FOXJ3: variants seen among roughly 807,000 people sequenced by gnomAD.
FOXJ3 encodes the protein forkhead box J3, also known as forkhead box protein J3.
FOXJ3 carries 22 observed loss-of-function variants against 76.1 expected under a neutral mutation model. The ratio of observed to expected loss-of-function variants is 0.29; its 90% CI spans 0.21 to 0.41. FOXJ3 has a LOEUF of 0.41. Among genes scored for constraint, FOXJ3 ranks in the 10% least tolerant of loss-of-function variants. FOXJ3 has a pLI of 1.00. For missense variants in FOXJ3, 613 were observed against 762.1 expected (o/e 0.80, Z 2.30); for synonymous variants, 269 against 261.2 (o/e 1.03, Z -0.29).
intron 5 of FOXJ3, among the ~76,000 whole-genome samples, chr1:42,217,390 G>A (rs879332977): frequency 2.6e-5 from 4 of 152,042 alleles, no homozygotes; most frequent in African/African-American, 7.2e-5. Context: ...TTCGCTGGGC[G>A]TGGTGGCATG....
chr1:42,222,960 T>C (rs542128822), intron 5 of FOXJ3, among the ~76,000 whole-genome samples: 42 of 152,330 alleles, frequency 2.8e-4, no homozygotes, highest in Middle Eastern at 3.4e-3. Context: ...TCTCAGACAG[T>C]ACTAGTAAGA....
chr1:42,211,588 T>C (rs890111341), intron 5 of FOXJ3, among the ~76,000 whole-genome samples: 1 of 151,930 alleles, frequency 6.6e-6, no homozygotes, highest in Non-Finnish European at 1.5e-5. Context: ...GGATACCTCC[T>C]ATCAGCCTGA....
rs185839168 is a variant in FOXJ3, at chr1:42,241,828, C to A, written c.445-13862G>T. On this transcript the variant is annotated intron_variant, in intron 4 of 12. Transcript: ENST00000361346. ...TTGAGGCCGAATGGCCCAATTGGAC[C>A]CACTAACACCACCGTCACACTACCC... 2.0e-3 allele frequency among the ~76,000 whole-genome samples: 308 copies of A among 152,290 alleles called. 7 individuals carry two copies. Among genetic ancestry groups the A allele is most frequent in the Admixed American group, 0.02 (304 of 15,300 alleles).
At chr1:42,257,945 C>A (rs974342622) in intron 4 of FOXJ3, among the ~76,000 whole-genome samples, 3 of 152,044 alleles carry the variant, frequency 2.0e-5, no homozygotes, top group African/African-American at 7.2e-5. Context: ...TTGAAAATAG[C>A]CTAACAAAAA....
chr1:42,204,757 T>G lies in FOXJ3; in HGVS notation c.630+1005A>C, dbSNP rs3818937. On this transcript the variant is annotated intron_variant, in intron 6 of 12. Transcript: ENST00000361346. ...TCTCTCTAAGTGACTGTGATGTAAT[T>G]ATTCCAGAGACTGCCATGTGGGAAG... Among the ~76,000 whole-genome samples the G allele has an allele frequency of 1.4e-4, 21 of 151,608 alleles. No individual in the cohort carries two copies. In the East Asian group the frequency reaches 3.3e-3, roughly 24 times the overall value.
rs1569915762 is a variant in FOXJ3 at position 42,220,255 on chromosome 1, A to G, written c.528+7628T>C. ...AGGAAGAGACTATTTCAATTACACG[A>G]AACAATACACTCAAAAACATACACC... On this transcript the variant is annotated intron_variant, in intron 5 of 12. Coordinates refer to ENST00000361346, the MANE Select transcript of FOXJ3 (RefSeq NM_014947.5). Among the ~76,000 whole-genome samples the G allele has an allele frequency of 2.0e-5, 3 of 152,186 alleles. No individual in the cohort carries two copies. The East Asian group carries it at 5.8e-4, about 29-fold the overall frequency.
intron 1 of FOXJ3, among the ~76,000 whole-genome samples, chr1:42,330,142 T>C (rs1656072450): frequency 2.0e-5 from 3 of 152,244 alleles, no homozygotes; most frequent in Admixed American, 2.0e-4. Flanking sequence ...TTGTAAGATA[T>C]GGATAATGAA....
intron 2 of FOXJ3, among the ~76,000 whole-genome samples, chr1:42,282,271 T>G (rs1287658308): frequency 6.6e-6 from 1 of 152,102 alleles, no homozygotes; most frequent in African/African-American, 2.4e-5. Flanking sequence ...TCCTGGACTC[T>G]GATGTCTCAA....
chr1:42,266,766 C>T (rs989142832), intron 3 of FOXJ3, among the ~76,000 whole-genome samples: 11 of 152,022 alleles, frequency 7.2e-5, no homozygotes, highest in Non-Finnish European at 1.6e-4. Context: ...ACAAAGCCCA[C>T]CAACCTTCCA....
At chr1:42,254,037 T>C (rs1369568880) in intron 4 of FOXJ3, among the ~76,000 whole-genome samples, 2 of 151,360 alleles carry the variant, frequency 1.3e-5, no homozygotes, top group Admixed American at 1.3e-4. Flanking sequence ...ACCTACAAAA[T>C]GGGAGAAAAT....
At chr1:42,232,230 C>G in intron 4 of FOXJ3, among the ~76,000 whole-genome samples, 1 of 149,020 alleles carries the variant, frequency 6.7e-6, no homozygotes, top group East Asian at 2.0e-4. Flanking sequence ...CAAGTCCTTG[C>G]TATTGTGAAT....
At chr1:42,234,827 TTAGGCTACTCGGTGCCTCCA>T (rs1648467626) in intron 4 of FOXJ3, among the ~76,000 whole-genome samples, 1 of 152,168 alleles carries the variant, frequency 6.6e-6, no homozygotes, top group Non-Finnish European at 1.5e-5. Flanking sequence ...TGCCTCCCAG[TTAGGCTACTCGGTGCCTCCA>T]GTTAGGCTAC....
At chr1:42,292,949 A>T (rs1452708325) in intron 2 of FOXJ3, among the ~76,000 whole-genome samples, 2 of 152,022 alleles carry the variant, frequency 1.3e-5, no homozygotes, top group Non-Finnish European at 2.9e-5. Flanking sequence ...AAAAATACAA[A>T]AATTAGCCAG....
intron 1 of FOXJ3, among the ~76,000 whole-genome samples, chr1:42,332,108 C>T (rs1438306535): frequency 6.6e-6 from 1 of 152,170 alleles, no homozygotes; most frequent in East Asian, 1.9e-4. Context: ...TTGAAACTGT[C>T]AACACCCTGC....
At chr1:42,210,019 T>C (rs1646935433) in intron 5 of FOXJ3, among the ~76,000 whole-genome samples, 1 of 152,060 alleles carries the variant, frequency 6.6e-6, no homozygotes, top group South Asian at 2.1e-4. Flanking sequence ...CAGTTTTGAG[T>C]TCTAAGTGCA....
chr1:42,281,410 T>C (rs1044988089), intron 2 of FOXJ3, among the ~76,000 whole-genome samples: 3 of 151,904 alleles, frequency 2.0e-5, no homozygotes, highest in Non-Finnish European at 4.4e-5. Flanking sequence ...TAAGTGAAGA[T>C]TGACTTAGCT....
At chr1:42,237,353 C>A (rs12092132) in intron 4 of FOXJ3, among the ~76,000 whole-genome samples, 3,468 of 149,542 alleles carry the variant, frequency 0.023, 142 homozygotes, top group African/African-American at 0.081. Flanking sequence ...CCAGCCTGGG[C>A]AACAGGGCAA....
chr1:42,203,389 G>A (rs1646799203), intron 6 of FOXJ3, among the ~76,000 whole-genome samples: 1 of 152,192 alleles, frequency 6.6e-6, no homozygotes, highest in East Asian at 1.9e-4. Flanking sequence ...AGCTCTGGAT[G>A]ATGTTATCTT....
At chr1:42,310,133 T>C (rs139653935) in intron 2 of FOXJ3, among the ~76,000 whole-genome samples, 25 of 151,848 alleles carry the variant, frequency 1.6e-4, no homozygotes, top group African/African-American at 6.0e-4. Context: ...TTAAATTGAG[T>C]AGAAAGCAGG....
Sources: allele counts gnomAD v4.1 joint callset (sites outside exome capture counted in the v4.1 genomes callset), GRCh38; gene constraint gnomAD v4.1.1; transcripts MANE v1.5; gene names NCBI Gene and HGNC (gene_info 2026-07-23, HGNC 2026-07-21).